The following QSER1 variants were observed in gnomAD, a reference collection of about 807,000 sequenced individuals.
QSER1 encodes the protein glutamine and serine-rich protein 1.
A neutral mutation model predicts 158.5 loss-of-function variants in QSER1; 49 were observed. The observed-to-expected ratio is 0.31, with a 90% CI of 0.25 to 0.39. The LOEUF (loss-of-function observed/expected upper bound fraction) is 0.39, where lower values mean the gene tolerates loss of function less well. QSER1 is among the 10% of genes least tolerant of loss of function. The pLI is 1.00. For missense variants in QSER1, 1,754 were observed against 2,010.3 expected, an observed-to-expected ratio of 0.87 and a Z score of 2.44; for synonymous variants, 650 against 715.5, an observed-to-expected ratio of 0.91 and a Z score of 1.46.
In QSER1 at chr11:32,976,785, AT is replaced by A. The variant is rs969521136; in HGVS notation, c.*320del. On this transcript the variant is annotated 3_prime_UTR_variant, in exon 13 of 13. Coordinates refer to ENST00000650167, the MANE Select transcript of QSER1 (RefSeq NM_001076786.3). ...AATGATGAAGCATGCACTAAGTATA[AT>A]TTTTTTTTATTGCTAGAGAAGTAAC... 99 of 221,232 alleles carry A rather than the reference AT, an allele frequency of 4.5e-4. No homozygotes were observed. Among genetic ancestry groups the A allele is most frequent in the East Asian group, 8.0e-4 (6 of 7,536 alleles). The allele number at this position is 221,232 out of a possible 1,614,324, so 13.7% of individuals were successfully genotyped here. A position where few individuals can be genotyped will look rare whatever the true frequency, so the allele number is the denominator to read the frequency against.
chr11:32,918,866 A>G (rs1316625492), intron 1 of QSER1, among the ~76,000 whole-genome samples: 1 of 152,140 alleles, frequency 6.6e-6, no homozygotes, highest in East Asian at 1.9e-4. Flanking sequence ...TAGATTTAGC[A>G]TGGCTTACAT....
intron 6 of QSER1, among the ~76,000 whole-genome samples, chr11:32,955,705 A>G (rs1331671289): frequency 6.6e-5 from 10 of 152,214 alleles, no homozygotes; most frequent in Admixed American, 3.3e-4. Context: ...GCTCCTTTAT[A>G]TTGATTATTC....
intron 4 of QSER1, among the ~76,000 whole-genome samples, chr11:32,938,107 T>G (rs562775635): frequency 2.0e-5 from 3 of 152,208 alleles, no homozygotes. Context: ...ATTTAGGCTT[T>G]AGAGTTAAAT....
At chr11:32,972,561 G>A in intron 10 of QSER1, among the ~76,000 whole-genome samples, 1 of 151,950 alleles carries the variant, frequency 6.6e-6, no homozygotes, top group Non-Finnish European at 1.5e-5. Flanking sequence ...TCAGCCTCCT[G>A]AGTAGTTGGG....
At position 32,978,898 on chromosome 11, in the gene QSER1, A is replaced by C. The variant is rs1250105121; in HGVS notation, c.*2424A>C. Reference sequence around the variant, plus strand: ...TAAATACAGTCATGCGTTGCTTAACAGCAGGGATACATTCTGAGAAATGCA... The same window carrying C: ...TAAATACAGTCATGCGTTGCTTAACCGCAGGGATACATTCTGAGAAATGCA... On this transcript the variant is annotated 3_prime_UTR_variant, in exon 13 of 13. Transcript: ENST00000650167. 6.6e-6 allele frequency: 1 copy of C among 152,248 alleles called. No individual in the cohort carries two copies. The highest frequency in any genetic ancestry group is 1.9e-4 in the East Asian group (1 of 5,198). 9.4% of individuals were successfully genotyped at this position (152,248 alleles called of 1,614,324 possible). A position where few individuals can be genotyped will look rare whatever the true frequency, so the allele number is the denominator to read the frequency against.
chr11:32,912,364 T>A (rs1564927765), intron 1 of QSER1, among the ~76,000 whole-genome samples: 1 of 152,180 alleles, frequency 6.6e-6, no homozygotes, highest in African/African-American at 2.4e-5. Context: ...TGCCACTGTT[T>A]TGCCCTCATA....
At chr11:32,953,652 A>G (rs1208544664) in intron 4 of QSER1, among the ~76,000 whole-genome samples, 2 of 152,220 alleles carry the variant, frequency 1.3e-5, no homozygotes, top group Non-Finnish European at 1.5e-5. Flanking sequence ...GCAGGTTTGC[A>G]GTCTACTTGT....
intron 8 of QSER1, among the ~76,000 whole-genome samples, 190 bp downstream of exon 8, chr11:32,958,276 C>T (rs1564944223): frequency 6.6e-6 from 1 of 152,178 alleles, no homozygotes; most frequent in Non-Finnish European, 1.5e-5. Flanking sequence ...AGTTGGCCCA[C>T]ACATGCAGCC....
chr11:32,935,434 A>C lies in QSER1; in HGVS notation c.4176A>C (p.Thr1392=), dbSNP rs1269093419. Residue 1392 remains threonine (T), a splice_region_variant and synonymous_variant, in exon 4 of 13, where the codon ACA becomes ACC. Transcript: ENST00000650167. The part of the protein sequence containing the change: ...LDATSDKKKK[T]EALQVATTSP... ...CTACTTCTGATAAAAAGAAGAAAAC[A>C]GGTAAAGTTTTACAATTTAGATTCA... 3 of 1,492,640 alleles carry C rather than the reference A, an allele frequency of 2.0e-6. No individual in the cohort carries two copies. Among genetic ancestry groups the C allele is most frequent in the Non-Finnish European group, 2.7e-6 (3 of 1,126,950 alleles). The allele number at this position is 1,492,640 out of a possible 1,614,324, so 92.5% of individuals were successfully genotyped here.
chr11:32,919,577 A>G (rs552515469), intron 1 of QSER1, among the ~76,000 whole-genome samples: 1 of 152,282 alleles, frequency 6.6e-6, no homozygotes, highest in East Asian at 1.9e-4. Context: ...ATCACTACTG[A>G]TAAAGCCTTT....
intron 3 of QSER1, among the ~76,000 whole-genome samples, chr11:32,929,133 A>T (rs977727534): frequency 2.0e-5 from 3 of 151,978 alleles, no homozygotes; most frequent in Non-Finnish European, 4.4e-5. Context: ...GTTTTTTGAG[A>T]CAGAGTGTCA....
chr11:32,958,066 C>CTAGTAG lies in QSER1; in HGVS notation c.4954_4959dup (p.Ser1652_Ser1653dup). On this transcript the variant is annotated inframe_insertion, in exon 8 of 13. Transcript: ENST00000650167. Reference sequence around the variant, plus strand: ...TCTGACTCATCTCCTGAGATCCATACTAGTAGTAGTGACGATGAGGGTGAG... The same window carrying CTAGTAG: ...TCTGACTCATCTCCTGAGATCCATACTAGTAGTAGTAGTAGTGACGATGAGGGTGAG... The CTAGTAG allele has an allele frequency of 6.2e-7, 1 of 1,613,946 alleles. No individual in the cohort carries two copies. The highest frequency in any genetic ancestry group is 1.1e-5 in the South Asian group (1 of 91,066).
intron 1 of QSER1, among the ~76,000 whole-genome samples, chr11:32,916,976 G>A (rs142630564): frequency 0.023 from 3,569 of 152,250 alleles, 64 homozygotes; most frequent in African/African-American, 0.053. Flanking sequence ...TAGTAGAGAC[G>A]GGGTTTTGCC....
intron 3 of QSER1, among the ~76,000 whole-genome samples, chr11:32,929,760 C>T (rs1331114481): frequency 1.3e-5 from 2 of 152,160 alleles, no homozygotes; most frequent in Non-Finnish European, 2.9e-5. Context: ...TTCAAAATAT[C>T]GTCTGTGGGC....
chr11:32,954,753 C>T (rs1852483478), intron 5 of QSER1, among the ~76,000 whole-genome samples: 2 of 152,070 alleles, frequency 1.3e-5, no homozygotes, highest in African/African-American at 4.8e-5. Context: ...CTCTTGGCCT[C>T]AAGCAGTCCT....
At chr11:32,963,000 G>GACCA in intron 8 of QSER1, among the ~76,000 whole-genome samples, 1 of 152,234 alleles carries the variant, frequency 6.6e-6, no homozygotes, top group South Asian at 2.1e-4. Context: ...ACAACTGTAT[G>GACCA]GGTGCTCCTC....
chr11:32,955,015 C>T (rs1342664860), intron 5 of QSER1, among the ~76,000 whole-genome samples: 1 of 152,114 alleles, frequency 6.6e-6, no homozygotes, highest in East Asian at 1.9e-4. Flanking sequence ...GCATATGTAA[C>T]ATAGGACAGT....
chr11:32,910,983 A>ATATG (rs1851758620), intron 1 of QSER1, among the ~76,000 whole-genome samples: 1 of 152,196 alleles, frequency 6.6e-6, no homozygotes, highest in African/African-American at 2.4e-5. Context: ...TAGGTAATGT[A>ATATG]TATGTAATAT....
rs1431839010 is a variant in QSER1 at position 32,934,616 on chromosome 11, A to C, written c.3358A>C (p.Ser1120Arg). The C allele has an allele frequency of 6.2e-7, 1 of 1,613,748 alleles. No homozygotes were observed. The highest frequency in any genetic ancestry group is 1.3e-5 in the African/African-American group (1 of 75,058). ...SATNLESEED[S>R]EAPVDSTLNN... ...TACCAATCTTGAATCTGAAGAAGAC[A>C]GTGAAGCTCCTGTTGATAGTACATT... is the stretch of plus-strand genomic sequence containing the variant. Residue 1120 changes from serine to arginine, a missense_variant, in exon 4 of 13, where the codon AGT becomes CGT. By Grantham distance (110) the Ser-to-Arg change is moderately radical. Transcript: ENST00000650167.
Sources: gnomAD v4.1 joint callset for allele counts (sites outside exome capture counted in the v4.1 genomes callset) on GRCh38, gnomAD v4.1.1 for gene constraint, MANE v1.5 for transcripts, NCBI Gene and HGNC (gene_info 2026-07-23, HGNC 2026-07-21) for gene names.